NKAIN2: variants seen among roughly 807,000 people sequenced by gnomAD.
The protein encoded by NKAIN2 is sodium/potassium-transporting ATPase subunit beta-1-interacting protein 2.
NKAIN2 carries 14 observed loss-of-function variants against 32.6 expected under a neutral mutation model. The ratio of observed to expected loss-of-function variants is 0.43; its 90% CI spans 0.28 to 0.67. The LOEUF (loss-of-function observed/expected upper bound fraction) is 0.67, where lower values mean the gene tolerates loss of function less well. Ranked by LOEUF, NKAIN2 falls within the 30% of genes least tolerant of loss-of-function variation. The pLI is 0.17. For missense variants in NKAIN2, 198 were observed against 258.3 expected, an observed-to-expected ratio of 0.77 and a Z score of 1.60; for synonymous variants, 80 against 87.2, an observed-to-expected ratio of 0.92 and a Z score of 0.46.
intron 4 of NKAIN2, among the ~76,000 whole-genome samples, chr6:124,681,645 T>C (rs1275002926): frequency 6.6e-6 from 1 of 152,084 alleles, no homozygotes; most frequent in Non-Finnish European, 1.5e-5. Flanking sequence ...ATTGCCAAAG[T>C]ATATGCATAG....
At chr6:124,204,762 T>A (rs1001503641) in intron 1 of NKAIN2, among the ~76,000 whole-genome samples, 9 of 151,744 alleles carry the variant, frequency 5.9e-5, no homozygotes, top group Non-Finnish European at 1.2e-4. Flanking sequence ...ATGGATGAAC[T>A]GAAAATCATG....
chr6:124,430,979 C>T (rs1281734786), intron 3 of NKAIN2, among the ~76,000 whole-genome samples: 1 of 152,170 alleles, frequency 6.6e-6, no homozygotes, highest in Non-Finnish European at 1.5e-5. Context: ...TCATGTCTTG[C>T]TAATATGCAT....
At chr6:124,083,087 T>TGA (rs1784046590) in intron 1 of NKAIN2, among the ~76,000 whole-genome samples, 1 of 151,322 alleles carries the variant, frequency 6.6e-6, no homozygotes, top group Non-Finnish European at 1.5e-5. Flanking sequence ...TGCCTTTTTA[T>TGA]GAGACTTTAT....
chr6:124,705,049 T>C (rs1465511825), intron 4 of NKAIN2, among the ~76,000 whole-genome samples: 2 of 151,996 alleles, frequency 1.3e-5, no homozygotes, highest in Admixed American at 6.6e-5. Context: ...ATAGATGTCA[T>C]CCAATGGCCA....
intron 1 of NKAIN2, among the ~76,000 whole-genome samples, chr6:123,910,668 G>A (rs78943129): frequency 0.07 from 10,677 of 151,552 alleles, 639 homozygotes; most frequent in African/African-American, 0.16. Context: ...ACCATGCCCA[G>A]CTAATTTTTG....
intron 1 of NKAIN2, among the ~76,000 whole-genome samples, chr6:124,051,245 A>G (rs1782384605): frequency 6.6e-6 from 1 of 151,964 alleles, no homozygotes; most frequent in South Asian, 2.1e-4. Flanking sequence ...TTAATTAGAT[A>G]ATGTCTCCCA....
At chr6:124,342,835 A>ATTATTATTATTATTGTTATTG (rs1429792655) in intron 2 of NKAIN2, among the ~76,000 whole-genome samples, 143 of 149,924 alleles carry the variant, frequency 9.5e-4, no homozygotes, top group African/African-American at 3.2e-3. Context: ...TATTATTATT[A>ATTATTATTATTATTGTTATTG]TTATTATTAT....
intron 1 of NKAIN2, among the ~76,000 whole-genome samples, chr6:124,198,766 T>C (rs1345168793): frequency 6.6e-6 from 1 of 152,094 alleles, no homozygotes; most frequent in Non-Finnish European, 1.5e-5. Flanking sequence ...ATTTTTATGG[T>C]GGTCCACGTT....
At chr6:124,065,304 C>A (rs551476662) in intron 1 of NKAIN2, among the ~76,000 whole-genome samples, 1 of 152,158 alleles carries the variant, frequency 6.6e-6, no homozygotes, top group African/African-American at 2.4e-5. Context: ...CACTCACTAG[C>A]TGCCTTTCCA....
intron 3 of NKAIN2, among the ~76,000 whole-genome samples, chr6:124,358,098 C>A (rs982237973): frequency 3.3e-5 from 5 of 152,306 alleles, no homozygotes; most frequent in Admixed American, 3.3e-4. Context: ...CTACAAAGGA[C>A]ATGAACTCAT....
intron 4 of NKAIN2, among the ~76,000 whole-genome samples, chr6:124,733,758 AAT>A (rs1562353235): frequency 1.3e-5 from 2 of 151,746 alleles, no homozygotes; most frequent in South Asian, 4.1e-4. Context: ...TACATATGTA[AAT>A]ATATATATTT....
At chr6:123,988,187 T>C (rs1779234007) in intron 1 of NKAIN2, among the ~76,000 whole-genome samples, 1 of 152,224 alleles carries the variant, frequency 6.6e-6, no homozygotes, top group Non-Finnish European at 1.5e-5. Flanking sequence ...ATAAGGAATG[T>C]AAACCTTTTG....
chr6:124,351,508 CAA>C (rs397956239), intron 2 of NKAIN2, among the ~76,000 whole-genome samples: 5 of 108,996 alleles, frequency 4.6e-5, no homozygotes, highest in Admixed American at 9.5e-5. Context: ...TCAAAAAAAC[CAA>C]AAAAAAAAAA....
intron 1 of NKAIN2, among the ~76,000 whole-genome samples, chr6:124,039,979 C>T (rs891997988): frequency 1.3e-5 from 2 of 151,948 alleles, no homozygotes; most frequent in African/African-American, 2.4e-5. Flanking sequence ...CCCACCCTCA[C>T]CACCCTCAAC....
chr6:124,483,912 A>T (rs1197595712), intron 3 of NKAIN2, among the ~76,000 whole-genome samples: 2 of 152,252 alleles, frequency 1.3e-5, no homozygotes, highest in African/African-American at 2.4e-5. Flanking sequence ...CTAAGTAGTT[A>T]TTAAAACTGC....
chr6:124,078,432 T>C (rs1049634194), intron 1 of NKAIN2, among the ~76,000 whole-genome samples: 9 of 152,170 alleles, frequency 5.9e-5, no homozygotes, highest in South Asian at 2.1e-4. Flanking sequence ...TTGACTCTTA[T>C]AACCCTTTGA....
chr6:124,477,078 T>G (rs1434633740), intron 3 of NKAIN2, among the ~76,000 whole-genome samples: 1 of 152,166 alleles, frequency 6.6e-6, no homozygotes, highest in African/African-American at 2.4e-5. Context: ...TGCATTAATT[T>G]TTTCTGTCAG....
At chr6:124,741,264 G>T (rs903440255) in intron 4 of NKAIN2, among the ~76,000 whole-genome samples, 1 of 151,590 alleles carries the variant, frequency 6.6e-6, no homozygotes, top group African/African-American at 2.4e-5. Flanking sequence ...GTTCAGGGGA[G>T]ATCAGCACTG....
At chr6:124,429,285 T>C (rs1451017145) in intron 3 of NKAIN2, among the ~76,000 whole-genome samples, 1 of 152,086 alleles carries the variant, frequency 6.6e-6, no homozygotes, top group African/African-American at 2.4e-5. Context: ...TGACCTCATA[T>C]GATTCACCTG....
Sources: gnomAD v4.1 joint callset for allele counts (sites outside exome capture counted in the v4.1 genomes callset) on GRCh38, gnomAD v4.1.1 for gene constraint, MANE v1.5 for transcripts, NCBI Gene and HGNC (gene_info 2026-07-23, HGNC 2026-07-21) for gene names.